The following SLC2A2 variants were observed in gnomAD, a reference collection of about 807,000 sequenced individuals.
The protein encoded by SLC2A2 is solute carrier family 2 member 2.
In SLC2A2, 36 loss-of-function variants were observed where a neutral mutation model predicts 54.5. The ratio of observed to expected loss-of-function variants is 0.66; its 90% CI spans 0.51 to 0.87. The LOEUF (loss-of-function observed/expected upper bound fraction) is 0.87, where lower values mean the gene tolerates loss of function less well. SLC2A2 is among the 40% of genes least tolerant of loss of function. SLC2A2 has a pLI of 0.00. For synonymous variants in SLC2A2, 223 were observed against 219.1 expected (o/e 1.02, Z -0.16); for missense variants, 543 against 624.3 (o/e 0.87, Z 1.39).
intron 5 of SLC2A2, 32 bp downstream of exon 5, chr3:171,007,116 T>C (rs373989348): frequency 1.0e-4 from 125 of 1,191,092 alleles, no homozygotes; most frequent in South Asian, 7.7e-4. Context: ...AGTAGATGGG[T>C]GCAGTAGGGG....
In SLC2A2 at chr3:170,997,905, A is replaced by G. The variant is rs750463981; in HGVS notation, c.1573T>C (p.Ter525GlnextTer7). The G allele has an allele frequency of 1.9e-6, 3 of 1,607,282 alleles. No individual in the cohort carries two copies. Among genetic ancestry groups the G allele is most frequent in the Non-Finnish European group, 1.7e-6 (2 of 1,176,186 alleles). ...MKFLGATETV[*>Q] Reference sequence around the variant, plus strand: ...TGTCAAAAAGCAGGGTTTTTTTTTTACACAGTCTCTGTAGCTCCTAGGAAT... The same window carrying G: ...TGTCAAAAAGCAGGGTTTTTTTTTTGCACAGTCTCTGTAGCTCCTAGGAAT... Residue 525 changes from the stop codon to glutamine, a stop_lost, in exon 11 of 11, where the codon TAA becomes CAA. Transcript: ENST00000314251.
In SLC2A2 at chr3:171,014,483, C is replaced by G. The variant is rs779800298; in HGVS notation, c.357G>C (p.Gly119=). 2 of 1,613,876 alleles carry G rather than the reference C, an allele frequency of 1.2e-6. No homozygotes were observed. Among genetic ancestry groups the G allele is most frequent in the African/African-American group, 2.7e-5 (2 of 74,886 alleles). The stretch of plus-strand genomic sequence containing the variant: ...AATTTGCCTACCTTCCAAGTGTGTC[C>G]CCAAGCCACCCACCAAAGAATGATG... The part of the protein sequence containing the change: ...MTASFFGGWL[G]DTLGRIKAML... Residue 119 remains glycine, a synonymous_variant, in exon 3 of 11, where the codon GGG becomes GGC. Coordinates refer to ENST00000314251, the MANE Select transcript of SLC2A2 (RefSeq NM_000340.2).
chr3:170,999,233 C>A lies in SLC2A2; in HGVS notation c.1069-67G>T. On this transcript the variant is annotated intron_variant, in intron 8 of 10. Transcript: ENST00000314251. ...CAAAATATTGACTGTTTACTTAAAT[C>A]ATTTTTACTGCCAAAGAGGTCATTT... 4 of 1,036,566 alleles carry A rather than the reference C, an allele frequency of 3.9e-6. No individual in the cohort carries two copies. The South Asian group carries it at 5.1e-5, about 13-fold the overall frequency. The allele number at this position is 1,036,566 out of a possible 1,614,324, so 64.2% of individuals were successfully genotyped here. A position where few individuals can be genotyped will look rare whatever the true frequency, so the allele number is the denominator to read the frequency against.
At chr3:171,017,148 G>A (rs541880715) in intron 2 of SLC2A2, among the ~76,000 whole-genome samples, 5 of 152,112 alleles carry the variant, frequency 3.3e-5, no homozygotes, top group Admixed American at 6.5e-5. Context: ...CACTGCGCCC[G>A]GCCAGGGATG....
In SLC2A2 at chr3:171,009,287, G is replaced by A. The variant is rs144934460; in HGVS notation, c.496+671C>T. ...CCACTATTCAGAATAAAGTTTGTGG[G>A]AGGAACCTCCTTCCTTTATTCTGAA... On this transcript the variant is annotated intron_variant, in intron 4 of 10. Coordinates refer to ENST00000314251, the MANE Select transcript of SLC2A2 (RefSeq NM_000340.2). 2.0e-3 allele frequency among the ~76,000 whole-genome samples: 299 copies of A among 152,198 alleles called. 2 individuals are homozygous for A. The highest frequency in any genetic ancestry group is 6.2e-3 in the African/African-American group (257 of 41,542).
At chr3:170,999,610 T>C (rs1576824484) in intron 8 of SLC2A2, among the ~76,000 whole-genome samples, 1 of 152,204 alleles carries the variant, frequency 6.6e-6, no homozygotes, top group African/African-American at 2.4e-5. Context: ...CAAGGGTCTG[T>C]GCACTATTGA....
At position 171,023,942 on chromosome 3, in the gene SLC2A2, G is replaced by A. The variant is rs1235198554; in HGVS notation, c.15+2714C>T. Among the ~76,000 whole-genome samples, 3 of 152,212 alleles carry A rather than the reference G, an allele frequency of 2.0e-5. No individual in the cohort carries two copies. In the East Asian group the frequency reaches 5.8e-4, roughly 29 times the overall value. ...CATATCCAATTTAAAATATGCTGCTGGATAAATGTGGAAGGGTAGAATAAG... is the reference window on the plus strand; with the variant it reads ...CATATCCAATTTAAAATATGCTGCTAGATAAATGTGGAAGGGTAGAATAAG... On this transcript the variant is annotated intron_variant, in intron 1 of 10. Transcript: ENST00000314251.
At chr3:171,019,097 G>A (rs200793448) in intron 1 of SLC2A2, among the ~76,000 whole-genome samples, 27 of 20,134 alleles carry the variant, frequency 1.3e-3, no homozygotes, top group African/African-American at 3.6e-3. Context: ...GTGTGTGTGT[G>A]TATATATATA....
At chr3:171,014,789 T>C in intron 2 of SLC2A2, 58 bp from the exon 3 acceptor site, 1 of 1,468,868 alleles carries the variant, frequency 6.8e-7, no homozygotes. Flanking sequence ...TTTTTGTTTT[T>C]GTCTTTAAAG....
Position 171,026,700 on chromosome 3 carries a change from G to C in SLC2A2, c.-30C>G. ...CTAGTTGGGAGTCCTGTCAATTCCA[G>C]GTCTTGTGTGAGTGTGGCACATGCA... On this transcript the variant is annotated 5_prime_UTR_variant, in exon 1 of 11. Coordinates refer to ENST00000314251, the MANE Select transcript of SLC2A2 (RefSeq NM_000340.2). 6.2e-7 allele frequency: 1 copy of C among 1,609,092 alleles called. No homozygotes were observed. The highest frequency in any genetic ancestry group is 8.5e-7 in the Non-Finnish European group (1 of 1,175,396).
intron 4 of SLC2A2, among the ~76,000 whole-genome samples, chr3:171,008,287 T>TAC (rs1386877676): frequency 1.3e-5 from 2 of 152,128 alleles, no homozygotes; most frequent in Non-Finnish European, 2.9e-5. Context: ...TGATAAGGTA[T>TAC]CTGTATTTCA....
chr3:171,017,050 C>T (rs1413247242), intron 2 of SLC2A2, among the ~76,000 whole-genome samples: 1 of 151,952 alleles, frequency 6.6e-6, no homozygotes, highest in East Asian at 1.9e-4. Context: ...CAGGGTTTCT[C>T]CATGTTGGTC....
rs745588913 is a variant in SLC2A2, at chr3:171,014,477, T to G, written c.363A>C (p.Thr121=). The G allele has an allele frequency of 6.2e-7, 1 of 1,614,162 alleles. No homozygotes were observed. Among genetic ancestry groups the G allele is most frequent in the Non-Finnish European group, 8.5e-7 (1 of 1,179,982 alleles). ...TTATGAAATTTGCCTACCTTCCAAGTGTGTCCCCAAGCCACCCACCAAAGA... is the reference window on the plus strand; with the variant it reads ...TTATGAAATTTGCCTACCTTCCAAGGGTGTCCCCAAGCCACCCACCAAAGA... ...ASFFGGWLGD[T]LGRIKAMLVA... is the part of the protein sequence containing the mutation. The change falls in exon 3 of 11, where the codon ACA becomes ACC. Residue 121 remains threonine (T), a synonymous_variant. Coordinates refer to ENST00000314251, the MANE Select transcript of SLC2A2 (RefSeq NM_000340.2).
At chr3:171,025,332 A>G (rs1716639842) in intron 1 of SLC2A2, among the ~76,000 whole-genome samples, 1 of 126,668 alleles carries the variant, frequency 7.9e-6, no homozygotes, top group African/African-American at 3.9e-5. Context: ...TTTATCTTTT[A>G]TAATTTATAA....
intron 1 of SLC2A2, among the ~76,000 whole-genome samples, chr3:171,023,987 A>G (rs1447553523): frequency 6.6e-6 from 1 of 152,208 alleles, no homozygotes; most frequent in Non-Finnish European, 1.5e-5. Context: ...GAACTTCAAC[A>G]TAAAACAATG....
rs776248984 is a variant in SLC2A2, at chr3:171,010,083, C to G, written c.372-1G>C. On this transcript the variant is annotated splice_acceptor_variant, in intron 3 of 10. Transcript: ENST00000314251. LOFTEE classifies it high-confidence loss of function. ...GTTTGCTACTAACATGGCTTTGATT[C>G]TGAAATTTTAAAAAGCAAGGAATAT... 2 of 1,612,370 alleles carry G rather than the reference C, an allele frequency of 1.2e-6. No individual in the cohort carries two copies. Among genetic ancestry groups the G allele is most frequent in the Middle Eastern group, 1.7e-4 (1 of 6,052 alleles).
Position 171,009,994 on chromosome 3 carries a change from T to C in SLC2A2, c.460A>G (p.Ile154Val), listed in dbSNP as rs1188886679. The change falls in exon 4 of 11, where the codon ATA becomes GTA. Residue 154 changes from isoleucine to valine, a missense_variant. By Grantham distance (29) the Ile-to-Val change is conservative. This residue lies in a region of SLC2A2 where 318 missense variants were observed against 343.8 expected (regional missense o/e 0.93). Coordinates refer to ENST00000314251, the MANE Select transcript of SLC2A2 (RefSeq NM_000340.2). ...FSKLGPSHILIIAGRSISGLY... is the reference protein window; with the variant it reads ...FSKLGPSHILVIAGRSISGLY... ...CCTGATATGCTTCTTCCAGCAATTATAAGTATATGAGATGGTCCCAATTTT... is the reference window on the plus strand; with the variant it reads ...CCTGATATGCTTCTTCCAGCAATTACAAGTATATGAGATGGTCCCAATTTT... 1 of 1,610,978 alleles carries C rather than the reference T, an allele frequency of 6.2e-7. No homozygotes were observed. The highest frequency in any genetic ancestry group is 8.5e-7 in the Non-Finnish European group (1 of 1,178,346).
rs1381085405 is a variant in SLC2A2, at chr3:170,999,105, A to T, written c.1130T>A (p.Phe377Tyr). ...SLFLIGMSGM[F>Y]VCAIFMSVGL... Reference sequence around the variant, plus strand: ...CACTGACATGAAGATGGCACAAACAAACATCCCACTCATTCCAATTAGAAA... The same window carrying T: ...CACTGACATGAAGATGGCACAAACATACATCCCACTCATTCCAATTAGAAA... Residue 377 changes from phenylalanine (F) to tyrosine (Y), a missense_variant, in exon 9 of 11, where the codon TTT becomes TAT. Physicochemically the swap from Phe to Tyr is conservative, Grantham distance 22. Coordinates refer to ENST00000314251, the MANE Select transcript of SLC2A2 (RefSeq NM_000340.2). 6.2e-7 allele frequency: 1 copy of T among 1,612,912 alleles called. No individual in the cohort carries two copies. The highest frequency in any genetic ancestry group is 8.5e-7 in the Non-Finnish European group (1 of 1,179,250).
At chr3:171,014,812 G>T in intron 2 of SLC2A2, 81 bp from the exon 3 acceptor site, 1 of 1,055,062 alleles carries the variant, frequency 9.5e-7, no homozygotes, top group Non-Finnish European at 1.5e-6. Context: ...TTTGTTACGT[G>T]TTTAAATAGT....
Sources: gnomAD v4.1 joint callset for allele counts (sites outside exome capture counted in the v4.1 genomes callset) on GRCh38, gnomAD v4.1.1 for gene constraint, gnomAD v4.1.1 regional missense constraint, MANE v1.5 for transcripts, NCBI Gene and HGNC (gene_info 2026-07-23, HGNC 2026-07-21) for gene names.